CAB39L: variants seen among roughly 807,000 people sequenced by gnomAD.
The protein encoded by CAB39L is calcium binding protein 39 like, also known as calcium-binding protein 39-like.
Under a neutral mutation model 39.1 loss-of-function variants are expected in CAB39L, and 23 were observed. The observed-to-expected ratio is 0.59, with a 90% CI of 0.42 to 0.83. CAB39L has a LOEUF of 0.83. Among genes scored for constraint, CAB39L ranks in the 40% least tolerant of loss-of-function variants. The pLI is 0.00. For missense variants in CAB39L, 366 were observed against 391.9 expected, an observed-to-expected ratio of 0.93 and a Z score of 0.56; for synonymous variants, 126 against 137.2, an observed-to-expected ratio of 0.92 and a Z score of 0.57.
At chr13:49,321,888 C>A (rs1225106937) in intron 10 of CAB39L, among the ~76,000 whole-genome samples, 1 of 152,114 alleles carries the variant, frequency 6.6e-6, no homozygotes, top group East Asian at 1.9e-4. Flanking sequence ...TTGATTTGAA[C>A]TGAACAATTC....
intron 9 of CAB39L, among the ~76,000 whole-genome samples, chr13:49,335,792 A>G (rs1158538728): frequency 6.6e-6 from 1 of 152,222 alleles, no homozygotes; most frequent in East Asian, 1.9e-4. Flanking sequence ...CATGATGGAA[A>G]GGAATTTCTC....
chr13:49,315,536 G>A (rs1382054718), intron 10 of CAB39L, among the ~76,000 whole-genome samples: 1 of 152,036 alleles, frequency 6.6e-6, no homozygotes, highest in East Asian at 1.9e-4. Context: ...AAACTCATAA[G>A]ATGCACCAAA....
chr13:49,359,788 T>C lies in CAB39L; in HGVS notation c.321A>G (p.Arg107=), dbSNP rs1166538178. The change falls in exon 6 of 11, where the codon AGA becomes AGG. Residue 107 remains arginine, a synonymous_variant. Coordinates refer to ENST00000409308, the MANE Select transcript of CAB39L (RefSeq NM_001079670.3). ...CAGTAGGACTCCGAGTGCCTATCTGTCTTCTCAAGATGTTGTTAAATATCT... is the reference window on the plus strand; with the variant it reads ...CAGTAGGACTCCGAGTGCCTATCTGCCTTCTCAAGATGTTGTTAAATATCT... ...VTQIFNNILR[R]QIGTRSPTVE... is the part of the protein sequence containing the mutation. The C allele has an allele frequency of 2.5e-6, 4 of 1,613,124 alleles. No individual in the cohort carries two copies. The highest frequency in any genetic ancestry group is 3.4e-6 in the Non-Finnish European group (4 of 1,179,198).
rs1470929176 is a variant in CAB39L, at chr13:49,380,389, CTG to C, written c.111+2409_111+2410del. 2.0e-5 allele frequency among the ~76,000 whole-genome samples: 3 copies of C among 148,184 alleles called. No homozygotes were observed. The Admixed American group carries it at 2.0e-4, about 10-fold the overall frequency. On this transcript the variant is annotated intron_variant, in intron 4 of 10. Transcript: ENST00000409308. ...TCCATTTATTCCTCACACAGAATCA[CTG>C]TCTTTTTTGCTATCTATGAAACTTA...
chr13:49,387,914 A>C (rs1956399848), intron 3 of CAB39L, among the ~76,000 whole-genome samples: 1 of 152,164 alleles, frequency 6.6e-6, no homozygotes, highest in Non-Finnish European at 1.5e-5. Flanking sequence ...TTCAAGGTAC[A>C]AAATTAGTTA....
chr13:49,371,783 G>A (rs915662426), intron 5 of CAB39L, among the ~76,000 whole-genome samples: 3 of 151,900 alleles, frequency 2.0e-5, no homozygotes, highest in African/African-American at 7.3e-5. Context: ...GTAGAGACAG[G>A]GTTTTGCCAT....
At chr13:49,386,853 C>A (rs1956374020) in intron 3 of CAB39L, among the ~76,000 whole-genome samples, 1 of 151,778 alleles carries the variant, frequency 6.6e-6, no homozygotes, top group African/African-American at 2.4e-5. Flanking sequence ...AGACTAAACA[C>A]CTCCCCCACT....
chr13:49,332,446 T>C (rs548026273), intron 9 of CAB39L, among the ~76,000 whole-genome samples: 2 of 152,256 alleles, frequency 1.3e-5, no homozygotes, highest in East Asian at 1.9e-4. Flanking sequence ...AATAACAAAA[T>C]TGGTACCATA....
intron 3 of CAB39L, among the ~76,000 whole-genome samples, chr13:49,400,928 T>G (rs1211256458): frequency 6.6e-6 from 1 of 151,786 alleles, no homozygotes; most frequent in Non-Finnish European, 1.5e-5. Flanking sequence ...ATGGTTCAAG[T>G]GCCTTAGGCA....
intron 6 of CAB39L, among the ~76,000 whole-genome samples, chr13:49,359,242 T>C (rs1732687313): frequency 6.6e-6 from 1 of 152,208 alleles, no homozygotes; most frequent in Admixed American, 6.5e-5. Context: ...CGACTTCAGT[T>C]TTATGGCTTC....
intron 4 of CAB39L, among the ~76,000 whole-genome samples, chr13:49,382,087 G>T (rs1168275456): frequency 6.6e-6 from 1 of 151,832 alleles, no homozygotes; most frequent in Non-Finnish European, 1.5e-5. Context: ...GGTTTTAGTT[G>T]GCCTTTTCCT....
chr13:49,332,793 A>G (rs1441695589), intron 9 of CAB39L, among the ~76,000 whole-genome samples: 2 of 151,776 alleles, frequency 1.3e-5, no homozygotes, highest in African/African-American at 4.8e-5. Context: ...TCTCACCATA[A>G]TTCTGGAGAA....
intron 3 of CAB39L, among the ~76,000 whole-genome samples, chr13:49,396,538 G>A (rs761120202): frequency 1.3e-4 from 19 of 151,910 alleles, no homozygotes; most frequent in African/African-American, 2.4e-4. Context: ...GTGAAACCTC[G>A]TCTCTACTAA....
chr13:49,434,597 T>C (rs1160622335), intron 1 of CAB39L, among the ~76,000 whole-genome samples: 1 of 152,142 alleles, frequency 6.6e-6, no homozygotes, highest in African/African-American at 2.4e-5. Flanking sequence ...TACTGGCTCA[T>C]CACTGTAATA....
chr13:49,333,774 A>G (rs1398352498), intron 9 of CAB39L, among the ~76,000 whole-genome samples: 1 of 151,548 alleles, frequency 6.6e-6, no homozygotes, highest in Non-Finnish European at 1.5e-5. Flanking sequence ...GGGTTTCACC[A>G]TGTTAGCCAG....
intron 3 of CAB39L, among the ~76,000 whole-genome samples, chr13:49,387,563 T>C (rs997116534): frequency 3.9e-5 from 6 of 152,224 alleles, no homozygotes; most frequent in Non-Finnish European, 5.9e-5. Flanking sequence ...GGCCCTGTTA[T>C]ACTTTTCCTC....
intron 10 of CAB39L, among the ~76,000 whole-genome samples, chr13:49,327,306 TTTTG>T (rs1354551555): frequency 6.6e-6 from 1 of 152,246 alleles, no homozygotes; most frequent in African/African-American, 2.4e-5. Flanking sequence ...CATTTTGCAA[TTTTG>T]TTTGTTTTTT....
intron 7 of CAB39L, among the ~76,000 whole-genome samples, chr13:49,346,965 A>G (rs1410745058): frequency 1.3e-5 from 2 of 152,206 alleles, no homozygotes; most frequent in Non-Finnish European, 1.5e-5. Context: ...TACAATATTA[A>G]TAACTAAACT....
intron 10 of CAB39L, among the ~76,000 whole-genome samples, chr13:49,313,811 C>T (rs527937713): frequency 1.1e-4 from 17 of 152,182 alleles, no homozygotes; most frequent in Non-Finnish European, 2.1e-4. Flanking sequence ...CATAGCTGTG[C>T]AGTGCCCAAC....
Sources: gnomAD v4.1 joint callset for allele counts (sites outside exome capture counted in the v4.1 genomes callset) on GRCh38, gnomAD v4.1.1 for gene constraint, MANE v1.5 for transcripts, NCBI Gene and HGNC (gene_info 2026-07-23, HGNC 2026-07-21) for gene names.